The following SUSD6 variants were observed in gnomAD, a reference collection of about 807,000 sequenced individuals.
SUSD6 encodes the protein sushi domain-containing protein 6.
A neutral mutation model predicts 28.4 loss-of-function variants in SUSD6; 16 were observed. The ratio of observed to expected loss-of-function variants is 0.56; its 90% CI spans 0.38 to 0.86. The LOEUF (loss-of-function observed/expected upper bound fraction) is 0.86. Among genes scored for constraint, SUSD6 ranks in the 40% least tolerant of loss-of-function variants. SUSD6 has a pLI of 0.00. For synonymous variants in SUSD6, 147 were observed against 159.6 expected (o/e 0.92, Z 0.59); for missense variants, 341 against 384.2 (o/e 0.89, Z 0.94).
chr14:69,698,631 T>A (rs970107202), intron 2 of SUSD6, among the ~76,000 whole-genome samples: 1 of 152,188 alleles, frequency 6.6e-6, no homozygotes, highest in Admixed American at 6.5e-5. Flanking sequence ...CAGGGAACCT[T>A]TAGAAAGGCT....
chr14:69,634,024 A>G (rs975094236), intron 1 of SUSD6, among the ~76,000 whole-genome samples: 1 of 152,230 alleles, frequency 6.6e-6, no homozygotes, highest in African/African-American at 2.4e-5. Flanking sequence ...TGGAAAGGTC[A>G]GGAAGGGTCA....
chr14:69,688,186 C>A (rs1408095775), intron 2 of SUSD6, among the ~76,000 whole-genome samples: 3 of 152,206 alleles, frequency 2.0e-5, no homozygotes, highest in African/African-American at 7.2e-5. Context: ...TTCCACCTCC[C>A]TCTTGACCCT....
At chr14:69,639,415 A>G (rs759418948) in intron 1 of SUSD6, among the ~76,000 whole-genome samples, 6 of 150,790 alleles carry the variant, frequency 4.0e-5, no homozygotes, top group Non-Finnish European at 5.9e-5. Context: ...AGTTTATTTT[A>G]CTGAGGGGGA....
intron 1 of SUSD6, among the ~76,000 whole-genome samples, chr14:69,633,573 ATTTC>A (rs1463596762): frequency 6.6e-6 from 1 of 152,062 alleles, no homozygotes; most frequent in Non-Finnish European, 1.5e-5. Context: ...GTTCAGATTA[ATTTC>A]TTTTTTTCCT....
intron 1 of SUSD6, among the ~76,000 whole-genome samples, chr14:69,612,362 C>T (rs555148300): frequency 6.6e-6 from 1 of 152,348 alleles, no homozygotes; most frequent in Non-Finnish European, 1.5e-5. Context: ...CGCGCCTCGG[C>T]TGCTCTTTAA....
intron 1 of SUSD6, among the ~76,000 whole-genome samples, chr14:69,644,338 C>T (rs1179406320): frequency 2.0e-5 from 3 of 152,036 alleles, no homozygotes; most frequent in Non-Finnish European, 4.4e-5. Context: ...TAACATATTC[C>T]AGAATGTTGC....
At chr14:69,671,037 G>T (rs1438718151) in intron 2 of SUSD6, among the ~76,000 whole-genome samples, 1 of 152,218 alleles carries the variant, frequency 6.6e-6, no homozygotes. Context: ...CAGGGATTTA[G>T]GTTGAGCACA....
chr14:69,700,617 A>G (rs1249041516), intron 2 of SUSD6, among the ~76,000 whole-genome samples: 1 of 152,224 alleles, frequency 6.6e-6, no homozygotes, highest in Non-Finnish European at 1.5e-5. Flanking sequence ...ACTTCAAACT[A>G]TGACCTCCCT....
At position 69,613,241 on chromosome 14, in the gene SUSD6, C is replaced by T. The variant is rs543456821; in HGVS notation, c.-81+1413C>T. 7.2e-5 allele frequency among the ~76,000 whole-genome samples: 11 copies of T among 152,220 alleles called. No homozygotes were observed. The South Asian group carries it at 2.1e-3, about 29-fold the overall frequency. On this transcript the variant is annotated intron_variant, in intron 1 of 5. Transcript: ENST00000342745. ...AGACTTTTGATGTAGATATTATTAT[C>T]CCCATTCTTCTAGTTGAGACCCAAA...
At chr14:69,684,540 G>C (rs1414305563) in intron 2 of SUSD6, among the ~76,000 whole-genome samples, 8 of 152,220 alleles carry the variant, frequency 5.3e-5, no homozygotes, top group Non-Finnish European at 1.0e-4. Flanking sequence ...GGGAGATACT[G>C]CCCAGTTTTC....
chr14:69,661,738 T>G (rs1885664940), intron 2 of SUSD6, among the ~76,000 whole-genome samples: 1 of 152,234 alleles, frequency 6.6e-6, no homozygotes, highest in Admixed American at 6.5e-5. Context: ...TCAGATACTC[T>G]GAAGCCGAGG....
chr14:69,622,407 A>T lies in SUSD6; in HGVS notation c.-81+10579A>T, dbSNP rs566390470. 4.6e-5 allele frequency among the ~76,000 whole-genome samples: 7 copies of T among 152,090 alleles called. No individual in the cohort carries two copies. In the East Asian group the frequency reaches 1.4e-3, roughly 29 times the overall value. On this transcript the variant is annotated intron_variant, in intron 1 of 5. Transcript: ENST00000342745. ...GGTCTTGAGCTCCTGGACTCAAGTG[A>T]TCCGCCTGCCTCAGCCTCCCAAAGT...
chr14:69,670,637 A>T (rs1885816544), intron 2 of SUSD6: 1 of 422,758 alleles, frequency 2.4e-6, no homozygotes, highest in East Asian at 7.3e-5. Context: ...AGTTTCTCGA[A>T]CTCTACGTCC....
intron 1 of SUSD6, among the ~76,000 whole-genome samples, chr14:69,628,719 G>GTT (rs11357371): frequency 0.015 from 1,834 of 120,296 alleles, 17 homozygotes; most frequent in Middle Eastern, 0.032. Context: ...CCTGTGGTGG[G>GTT]TTTTTTTTTT....
intron 1 of SUSD6, among the ~76,000 whole-genome samples, chr14:69,651,709 G>A (rs185204872): frequency 6.6e-6 from 1 of 152,282 alleles, no homozygotes; most frequent in African/African-American, 2.4e-5. Context: ...ATTTTGGGGG[G>A]TAGGAGGCAT....
At chr14:69,617,995 G>A (rs1290408862) in intron 1 of SUSD6, among the ~76,000 whole-genome samples, 1 of 152,202 alleles carries the variant, frequency 6.6e-6, no homozygotes, top group Non-Finnish European at 1.5e-5. Context: ...GACACAAAAA[G>A]GAGCAGATGG....
At chr14:69,679,712 A>G (rs925295614) in intron 2 of SUSD6, among the ~76,000 whole-genome samples, 1 of 152,146 alleles carries the variant, frequency 6.6e-6, no homozygotes, top group Non-Finnish European at 1.5e-5. Context: ...GGAACCTGAG[A>G]GCAAAGAGTT....
intron 2 of SUSD6, among the ~76,000 whole-genome samples, chr14:69,671,999 TA>T: frequency 6.6e-6 from 1 of 152,196 alleles, no homozygotes; most frequent in East Asian, 1.9e-4. Flanking sequence ...AAGTCCCGGG[TA>T]AACAATAAAA....
At chr14:69,615,327 A>G (rs370530368) in intron 1 of SUSD6, among the ~76,000 whole-genome samples, 1 of 152,184 alleles carries the variant, frequency 6.6e-6, no homozygotes, top group South Asian at 2.1e-4. Context: ...ATTCAAGGCA[A>G]CAGCCATTGT....
Sources: gnomAD v4.1 joint callset for allele counts (sites outside exome capture counted in the v4.1 genomes callset) on GRCh38, gnomAD v4.1.1 for gene constraint, MANE v1.5 for transcripts, NCBI Gene and HGNC (gene_info 2026-07-23, HGNC 2026-07-21) for gene names.